Variants in NCAM2 observed in about 807,000 individuals in gnomAD.
NCAM2 encodes the protein N-CAM-2.
Under a neutral mutation model 98.1 loss-of-function variants are expected in NCAM2, and 30 were observed. The observed-to-expected ratio is 0.31, with a 90% CI of 0.23 to 0.41. The LOEUF is 0.41. NCAM2 is among the 10% of genes least tolerant of loss of function. NCAM2 has a pLI of 1.00. For synonymous variants in NCAM2, 368 were observed against 342.4 expected, an observed-to-expected ratio of 1.07 and a Z score of -0.83; for missense variants, 867 against 1,005.8, an observed-to-expected ratio of 0.86 and a Z score of 1.87.
intron 11 of NCAM2, among the ~76,000 whole-genome samples, chr21:21,427,852 G>T (rs2077248884): frequency 6.6e-6 from 1 of 152,206 alleles, no homozygotes; most frequent in Non-Finnish European, 1.5e-5. Context: ...GAAGGAGGCT[G>T]ATGATCAGGG....
intron 12 of NCAM2, among the ~76,000 whole-genome samples, chr21:21,437,912 TTA>T (rs145129785): frequency 4.0e-4 from 60 of 150,298 alleles, no homozygotes; most frequent in African/African-American, 1.1e-3. Flanking sequence ...AAAGCACATA[TTA>T]TATATATATA....
chr21:21,014,400 G>A (rs1228066531), intron 1 of NCAM2, among the ~76,000 whole-genome samples: 13 of 150,874 alleles, frequency 8.6e-5, no homozygotes, highest in African/African-American at 3.2e-4. Flanking sequence ...CTCCAGCCTG[G>A]GCAATGGAGT....
intron 3 of NCAM2, among the ~76,000 whole-genome samples, chr21:21,286,044 A>G (rs1375579147): frequency 6.6e-6 from 1 of 151,988 alleles, no homozygotes; most frequent in Non-Finnish European, 1.5e-5. Flanking sequence ...ACTCCAGTTT[A>G]TACAGAACCT....
intron 5 of NCAM2, among the ~76,000 whole-genome samples, chr21:21,306,604 G>C (rs1415281709): frequency 1.3e-5 from 2 of 152,052 alleles, no homozygotes; most frequent in Admixed American, 6.6e-5. Context: ...GGGTACATGA[G>C]ATTTTCTGAT....
In NCAM2 at chr21:21,411,058, A is replaced by ATATATATACATATATGTGTG. The variant is rs1280732391; in HGVS notation, c.1383+605_1383+606insCATATATGTGTGTATATATA. Among the ~76,000 whole-genome samples, 3 of 84,684 alleles carry ATATATATACATATATGTGTG rather than the reference A, an allele frequency of 3.5e-5. 1 individual carries two copies. The highest frequency in any genetic ancestry group is 3.0e-4 in the Admixed American group (2 of 6,772). 55.6% of individuals were successfully genotyped at this position (84,684 alleles called of 152,430 possible). ...CACACATATATATATGTGTGTGTATATATATATATATACACACACATATAT... is the reference window on the plus strand; with the variant it reads ...CACACATATATATATGTGTGTGTATATATATATACATATATGTGTGTATATATATATACACACACATATAT... On this transcript the variant is annotated intron_variant, in intron 10 of 17. Coordinates refer to ENST00000400546, the MANE Select transcript of NCAM2 (RefSeq NM_004540.5).
intron 1 of NCAM2, among the ~76,000 whole-genome samples, chr21:21,176,239 C>G (rs1006792051): frequency 4.6e-5 from 7 of 152,074 alleles, no homozygotes; most frequent in Non-Finnish European, 8.8e-5. Context: ...ACTCTTAGAT[C>G]AAATCAATCA....
At chr21:21,499,600 A>T (rs1163771049) in intron 15 of NCAM2, among the ~76,000 whole-genome samples, 4 of 152,188 alleles carry the variant, frequency 2.6e-5, no homozygotes, top group Admixed American at 1.3e-4. Context: ...AAGGTTTTGT[A>T]TAAAAGTGGA....
At chr21:21,068,126 C>CTT (rs796900500) in intron 1 of NCAM2, among the ~76,000 whole-genome samples, 1,608 of 127,552 alleles carry the variant, frequency 0.013, 41 homozygotes, top group African/African-American at 0.043. Context: ...AAAATAATGA[C>CTT]TTTTTTTTCT....
At chr21:21,130,191 G>A (rs10211971) in intron 1 of NCAM2, among the ~76,000 whole-genome samples, 1 of 152,064 alleles carries the variant, frequency 6.6e-6, no homozygotes, top group African/African-American at 2.4e-5. Context: ...TTGAATTGTT[G>A]GTTACAATTT....
intron 1 of NCAM2, among the ~76,000 whole-genome samples, chr21:21,129,062 G>A (rs79023185): frequency 0.013 from 2,030 of 152,180 alleles, 57 homozygotes; most frequent in African/African-American, 0.047. Context: ...CTTATTAAGA[G>A]CTATCATTAA....
chr21:21,151,463 C>G (rs2067446523), intron 1 of NCAM2, among the ~76,000 whole-genome samples: 1 of 152,026 alleles, frequency 6.6e-6, no homozygotes, highest in African/African-American at 2.4e-5. Context: ...TTCACATCTT[C>G]TAAATTCTGA....
At chr21:21,488,024 A>G (rs948437242) in intron 15 of NCAM2, among the ~76,000 whole-genome samples, 6 of 152,144 alleles carry the variant, frequency 3.9e-5, no homozygotes, top group Non-Finnish European at 7.4e-5. Flanking sequence ...CCTGGTATAC[A>G]TGAACAAGAT....
intron 16 of NCAM2, among the ~76,000 whole-genome samples, chr21:21,510,572 G>A (rs543703904): frequency 7.4e-6 from 1 of 135,818 alleles, no homozygotes; most frequent in East Asian, 2.2e-4. Context: ...GTTGAAGCGT[G>A]GAAGGTCTCA....
At chr21:21,002,462 A>G (rs563631826) in intron 1 of NCAM2, among the ~76,000 whole-genome samples, 2 of 152,280 alleles carry the variant, frequency 1.3e-5, no homozygotes, top group African/African-American at 4.8e-5. Context: ...AAACTGAGAA[A>G]TGAGCTACAG....
intron 1 of NCAM2, among the ~76,000 whole-genome samples, chr21:21,141,528 A>T (rs934702797): frequency 2.0e-5 from 3 of 152,220 alleles, no homozygotes; most frequent in African/African-American, 7.2e-5. Flanking sequence ...TTCTAAAATA[A>T]AGTTTTGCAT....
chr21:21,332,396 C>T (rs1482098942), intron 6 of NCAM2, among the ~76,000 whole-genome samples: 1 of 152,126 alleles, frequency 6.6e-6, no homozygotes, highest in African/African-American at 2.4e-5. Context: ...TAATCTGGTT[C>T]CATTACTGAT....
intron 1 of NCAM2, among the ~76,000 whole-genome samples, chr21:21,107,182 T>G (rs751450707): frequency 3.5e-4 from 53 of 152,138 alleles, no homozygotes; most frequent in Non-Finnish European, 7.4e-4. Flanking sequence ...CCTGTTTACA[T>G]TTCACATGTA....
chr21:21,470,799 T>C (rs1160006546), intron 14 of NCAM2, among the ~76,000 whole-genome samples: 1 of 152,038 alleles, frequency 6.6e-6, no homozygotes, highest in East Asian at 1.9e-4. Context: ...TGATAATCAA[T>C]CAATTACTAA....
chr21:21,410,245 T>C, intron 9 of NCAM2, 29 bp from the exon 10 acceptor site: 1 of 1,212,542 alleles, frequency 8.2e-7, no homozygotes, highest in Non-Finnish European at 1.1e-6. Flanking sequence ...AGAAAATGCC[T>C]ATAATTATTT....
Sources: allele counts gnomAD v4.1 joint callset (sites outside exome capture counted in the v4.1 genomes callset), GRCh38; gene constraint gnomAD v4.1.1; transcripts MANE v1.5; gene names NCBI Gene and HGNC (gene_info 2026-07-23, HGNC 2026-07-21).